The following ARF3 variants were observed in gnomAD, a reference collection of about 807,000 sequenced individuals.
ARF3 encodes the protein ADP-ribosylation factor 3.
A neutral mutation model predicts 19.3 loss-of-function variants in ARF3; 5 were observed. The observed-to-expected ratio is 0.26, with a 90% CI of 0.14 to 0.54. ARF3 has a LOEUF of 0.54. Ranked by LOEUF, ARF3 falls within the 20% of genes least tolerant of loss-of-function variation. The pLI is 0.95. For synonymous variants in ARF3, 71 were observed against 89.2 expected (o/e 0.80, Z 1.15); for missense variants, 77 against 234.2 (o/e 0.33, Z 4.38).
At chr12:48,953,282 AAG>A (rs1353401731) in intron 1 of ARF3, 1 of 152,150 alleles carries the variant, frequency 6.6e-6, no homozygotes, top group Non-Finnish European at 1.5e-5. Context: ...GTTCTGCTTG[AAG>A]AGAGGAGAGA....
chr12:48,940,135 C>A, intron 2 of ARF3, 28 bp from the exon 3 acceptor site: 1 of 1,595,084 alleles, frequency 6.3e-7, no homozygotes, highest in African/African-American at 1.3e-5. Context: ...GCAATGGCCA[C>A]TTGGCCTCAA....
intron 1 of ARF3, among the ~76,000 whole-genome samples, chr12:48,950,208 G>A (rs1343854114): frequency 1.3e-5 from 2 of 149,252 alleles, no homozygotes; most frequent in African/African-American, 2.5e-5. Flanking sequence ...GGCATCTTTC[G>A]TTTTCTGAGA....
intron 1 of ARF3, among the ~76,000 whole-genome samples, chr12:48,943,004 C>G (rs1258392737): frequency 2.6e-5 from 4 of 152,092 alleles, no homozygotes; most frequent in African/African-American, 4.8e-5. Flanking sequence ...CTACTCGGAA[C>G]GTTGAGGCAG....
intron 1 of ARF3, among the ~76,000 whole-genome samples, chr12:48,952,094 T>C (rs557266142): frequency 7.2e-5 from 11 of 152,218 alleles, no homozygotes; most frequent in Non-Finnish European, 1.6e-4. Flanking sequence ...ACTAAATAAG[T>C]TCCTATTAGC....
In ARF3 at chr12:48,948,906, G is replaced by A. The variant is rs1304588732; in HGVS notation, c.-93-7718C>T. ...GGCTTTAAAGGCCATGCTGAGTAAC[G>A]TGATCAGGTATGTGCTTTAGAAGTT... On this transcript the variant is annotated intron_variant, in intron 1 of 4. Transcript: ENST00000256682. Among the ~76,000 whole-genome samples, 11 of 152,188 alleles carry A rather than the reference G, an allele frequency of 7.2e-5. 1 individual carries two copies. Among genetic ancestry groups the A allele is most frequent in the East Asian group, 5.8e-4 (3 of 5,202 alleles).
chr12:48,948,581 G>A (rs554112932), intron 1 of ARF3, among the ~76,000 whole-genome samples: 1 of 152,190 alleles, frequency 6.6e-6, no homozygotes, highest in Non-Finnish European at 1.5e-5. Context: ...GGGAGGCCGA[G>A]GTGGGCGGAT....
At chr12:48,954,132 T>C (rs900171225) in intron 1 of ARF3, among the ~76,000 whole-genome samples, 2 of 152,228 alleles carry the variant, frequency 1.3e-5, no homozygotes, top group Admixed American at 1.3e-4. Flanking sequence ...CACTGACTTT[T>C]CTAATATGAA....
In ARF3 at chr12:48,938,300, G is replaced by C. The variant is rs757726195; in HGVS notation, c.*647C>G. ...GAGGAGGGTAACCAGTCAAAGACTG[G>C]GGCAGTCCGGCTTGACTAATGCCCT... is the stretch of plus-strand genomic sequence containing the variant. On this transcript the variant is annotated 3_prime_UTR_variant, in exon 5 of 5. Transcript: ENST00000256682. 5 of 441,458 alleles carry C rather than the reference G, an allele frequency of 1.1e-5. No individual in the cohort carries two copies. Among genetic ancestry groups the C allele is most frequent in the South Asian group, 7.9e-5 (5 of 63,012 alleles). The allele number at this position is 441,458 out of a possible 1,614,324, so 27.3% of individuals were successfully genotyped here.
chr12:48,950,077 T>C (rs1940436857), intron 1 of ARF3, among the ~76,000 whole-genome samples: 1 of 152,202 alleles, frequency 6.6e-6, no homozygotes. Context: ...GGTCCCACTA[T>C]GTTGCCCACG....
intron 1 of ARF3, among the ~76,000 whole-genome samples, chr12:48,947,754 T>G (rs1322257254): frequency 4.6e-5 from 7 of 152,078 alleles, no homozygotes; most frequent in African/African-American, 1.7e-4. Flanking sequence ...GCACATAGTA[T>G]TATGTGAACA....
chr12:48,948,525 A>G (rs1246711507), intron 1 of ARF3, among the ~76,000 whole-genome samples: 2 of 152,116 alleles, frequency 1.3e-5, no homozygotes, highest in East Asian at 1.9e-4. Context: ...TAAAGTGAAG[A>G]GTACAGGCAA....
At chr12:48,954,741 C>T (rs569356663) in intron 1 of ARF3, among the ~76,000 whole-genome samples, 1 of 152,238 alleles carries the variant, frequency 6.6e-6, no homozygotes, top group African/African-American at 2.4e-5. Flanking sequence ...GAGGAGAGTT[C>T]AGGCATGGTG....
chr12:48,939,605 C>T lies in ARF3; in HGVS notation c.384+50G>A, dbSNP rs1283095728. ...TAATAGGCCCAAGAGCCAACAATTT[C>T]CACAGCCAGTTTGCTGTCTCCCAAA... On this transcript the variant is annotated intron_variant, in intron 4 of 4. Coordinates refer to ENST00000256682, the MANE Select transcript of ARF3 (RefSeq NM_001659.3). The surrounding 1 kb of genome is among the most constrained non-coding windows in gnomAD (Gnocchi z 4.8). The T allele has an allele frequency of 2.5e-6, 4 of 1,612,198 alleles. No homozygotes were observed. The highest frequency in any genetic ancestry group is 3.4e-6 in the Non-Finnish European group (4 of 1,178,616).
intron 1 of ARF3, among the ~76,000 whole-genome samples, chr12:48,948,267 A>G (rs2694840): frequency 0.56 from 83,394 of 147,828 alleles, 23,840 homozygotes; most frequent in South Asian, 0.75. Flanking sequence ...AAATTTATAT[A>G]ATCTTTTTTT....
intron 1 of ARF3, chr12:48,953,350 T>C (rs1391773124): frequency 2.6e-5 from 4 of 151,970 alleles, no homozygotes; most frequent in Admixed American, 6.6e-5. Context: ...CAGTAGAGAG[T>C]AACTCCACTT....
At chr12:48,954,072 G>A (rs1454036984) in intron 1 of ARF3, among the ~76,000 whole-genome samples, 1 of 152,056 alleles carries the variant, frequency 6.6e-6, no homozygotes, top group Non-Finnish European at 1.5e-5. Flanking sequence ...CCCTGACCTA[G>A]GTCATCAGGG....
chr12:48,945,984 G>T (rs1940351601), intron 1 of ARF3, among the ~76,000 whole-genome samples: 2 of 152,202 alleles, frequency 1.3e-5, no homozygotes, highest in African/African-American at 2.4e-5. Flanking sequence ...TATATTTTTA[G>T]TAGAGACGGG....
At chr12:48,946,422 T>C (rs995474142) in intron 1 of ARF3, among the ~76,000 whole-genome samples, 5 of 152,240 alleles carry the variant, frequency 3.3e-5, no homozygotes, top group Admixed American at 6.5e-5. Flanking sequence ...CCTGTGTTTA[T>C]AGGGCAAAAT....
rs1211190150 is a variant in ARF3, at chr12:48,957,354, C to G, written c.-138G>C. 1 of 155,262 alleles carries G rather than the reference C, an allele frequency of 6.4e-6. No homozygotes were observed. The highest frequency in any genetic ancestry group is 1.4e-5 in the Non-Finnish European group (1 of 70,476). 9.6% of individuals were successfully genotyped at this position (155,262 alleles called of 1,614,324 possible). A position where few individuals can be genotyped will look rare whatever the true frequency, so the allele number is the denominator to read the frequency against. On this transcript the variant is annotated 5_prime_UTR_variant, in exon 1 of 5. Coordinates refer to ENST00000256682, the MANE Select transcript of ARF3 (RefSeq NM_001659.3). ...CGCCGCTGCGGCCGCCGCCTCTGCC[C>G]CGCAGGTTCCGCTCCGCTCCCTCTG...
Sources: gnomAD v4.1 joint callset for allele counts (sites outside exome capture counted in the v4.1 genomes callset) on GRCh38, gnomAD v4.1.1 for gene constraint, Gnocchi (gnomAD v3.1) non-coding constraint, MANE v1.5 for transcripts, NCBI Gene and HGNC (gene_info 2026-07-23, HGNC 2026-07-21) for gene names.